TGS1: variants seen among roughly 807,000 people sequenced by gnomAD.
TGS1 encodes trimethylguanosine synthase 1.
In TGS1, 69 loss-of-function variants were observed where a neutral mutation model predicts 92.2. That is an observed-to-expected ratio of 0.75 (90% CI 0.62 to 0.91). The LOEUF (loss-of-function observed/expected upper bound fraction) is 0.91, where lower values mean the gene tolerates loss of function less well. Ranked by LOEUF, TGS1 falls within the 40% of genes least tolerant of loss-of-function variation. TGS1 has a pLI of 0.00. For missense variants in TGS1, 1,062 were observed against 1,001.2 expected (o/e 1.06, Z -0.82); for synonymous variants, 345 against 338.1 (o/e 1.02, Z -0.22).
intron 1 of TGS1, among the ~76,000 whole-genome samples, chr8:55,776,334 G>A (rs976489804): frequency 6.8e-6 from 1 of 146,942 alleles, no homozygotes; most frequent in African/African-American, 2.5e-5. Flanking sequence ...AGGCCAGAGT[G>A]CAGTGGCGAG....
chr8:55,810,300 TC>T (rs1228128506), intron 10 of TGS1, among the ~76,000 whole-genome samples: 1 of 152,242 alleles, frequency 6.6e-6, no homozygotes, highest in Non-Finnish European at 1.5e-5. Flanking sequence ...TAAATGAAAG[TC>T]CATTTGGTGA....
At chr8:55,796,723 G>A (rs543744461) in intron 7 of TGS1, among the ~76,000 whole-genome samples, 11 of 152,032 alleles carry the variant, frequency 7.2e-5, no homozygotes, top group Non-Finnish European at 1.6e-4. Context: ...GGGCATGGTG[G>A]CTTACACCTG....
intron 3 of TGS1, 55 bp from the exon 4 acceptor site, chr8:55,786,183 T>G: frequency 1.0e-6 from 1 of 988,164 alleles, no homozygotes; most frequent in South Asian, 1.9e-5. Flanking sequence ...TGGATTCTAC[T>G]TTCTTTTATA....
intron 12 of TGS1, among the ~76,000 whole-genome samples, chr8:55,822,303 C>T (rs867634872): frequency 2.0e-5 from 3 of 152,060 alleles, no homozygotes; most frequent in African/African-American, 7.2e-5. Flanking sequence ...ATCTCCTGAC[C>T]TCGTGATCCA....
At chr8:55,775,498 G>A (rs2130089830) in intron 1 of TGS1, among the ~76,000 whole-genome samples, 1 of 152,098 alleles carries the variant, frequency 6.6e-6, no homozygotes, top group Admixed American at 6.5e-5. Flanking sequence ...AGGATAAATG[G>A]CAGCAGAAAT....
chr8:55,803,124 T>TGGG (rs3085191), intron 9 of TGS1, among the ~76,000 whole-genome samples: 1 of 148,502 alleles, frequency 6.7e-6, no homozygotes, highest in African/African-American at 2.5e-5. Context: ...CCCTTCAATT[T>TGGG]GGGGGGGTGT....
chr8:55,807,918 A>C (rs966830503), intron 10 of TGS1, among the ~76,000 whole-genome samples: 7 of 152,194 alleles, frequency 4.6e-5, no homozygotes, highest in African/African-American at 1.7e-4. Context: ...GTTTCATTTC[A>C]ACAGATTTCT....
chr8:55,801,907 A>C (rs1812225977), intron 8 of TGS1, among the ~76,000 whole-genome samples: 2 of 151,444 alleles, frequency 1.3e-5, no homozygotes. Flanking sequence ...TAATAATTGG[A>C]GTTTAGGCCA....
chr8:55,802,881 CAACTT>C (rs1186588677), intron 9 of TGS1, among the ~76,000 whole-genome samples: 3 of 152,074 alleles, frequency 2.0e-5, no homozygotes, highest in Non-Finnish European at 2.9e-5. Context: ...AGTGAATTAT[CAACTT>C]AACATTGTTC....
intron 12 of TGS1, among the ~76,000 whole-genome samples, chr8:55,819,403 T>C (rs1803574365): frequency 6.7e-6 from 1 of 150,172 alleles, no homozygotes; most frequent in Non-Finnish European, 1.5e-5. Flanking sequence ...TTCAAGCAAT[T>C]CTCCTACCTC....
At chr8:55,775,892 A>T (rs1010811856) in intron 1 of TGS1, among the ~76,000 whole-genome samples, 21 of 152,198 alleles carry the variant, frequency 1.4e-4, no homozygotes. Context: ...GCCTAAGTAC[A>T]CTGTCACCAA....
At chr8:55,816,854 T>C (rs1358205228) in intron 12 of TGS1, among the ~76,000 whole-genome samples, 4 of 151,584 alleles carry the variant, frequency 2.6e-5, no homozygotes, top group African/African-American at 9.7e-5. Context: ...AATTCATCTC[T>C]ATTTTATTTA....
chr8:55,806,537 A>T (rs1365156741), intron 10 of TGS1, among the ~76,000 whole-genome samples: 1 of 152,176 alleles, frequency 6.6e-6, no homozygotes, highest in African/African-American at 2.4e-5. Flanking sequence ...TTAACTGTTT[A>T]CATTATAGGT....
intron 12 of TGS1, among the ~76,000 whole-genome samples, chr8:55,816,556 G>A (rs556053791): frequency 1.3e-5 from 2 of 152,216 alleles, no homozygotes; most frequent in Non-Finnish European, 2.9e-5. Flanking sequence ...GATAAGTTAA[G>A]TTACTTATCT....
intron 10 of TGS1, among the ~76,000 whole-genome samples, chr8:55,807,506 GTTT>G (rs199884741): frequency 7.2e-6 from 1 of 138,676 alleles, no homozygotes; most frequent in African/African-American, 2.6e-5. Flanking sequence ...TAAAGCAGGG[GTTT>G]TTTTTTTTTT....
At chr8:55,774,975 C>A (rs560071919) in intron 1 of TGS1, among the ~76,000 whole-genome samples, 6 of 152,246 alleles carry the variant, frequency 3.9e-5, no homozygotes, top group African/African-American at 1.4e-4. Context: ...GGAGGGAGGG[C>A]ACGGTGGTGC....
chr8:55,779,258 T>C (rs921239653), intron 1 of TGS1, among the ~76,000 whole-genome samples: 1 of 152,222 alleles, frequency 6.6e-6, no homozygotes, highest in Non-Finnish European at 1.5e-5. Flanking sequence ...ATGAATGCTC[T>C]TGGAGATACT....
Position 55,782,737 on chromosome 8 carries a change from C to G in TGS1, c.102-11C>G. ...TTCATTTCAATATGAACTGCTTAAT[C>G]TGCTTCGCAGGGATCGAAAATTGTA... On this transcript the variant is annotated splice_polypyrimidine_tract_variant and intron_variant, in intron 1 of 12. Transcript: ENST00000260129. 2.5e-6 allele frequency: 4 copies of G among 1,593,034 alleles called. No homozygotes were observed. Among genetic ancestry groups the G allele is most frequent in the Non-Finnish European group, 3.4e-6 (4 of 1,172,926 alleles).
chr8:55,820,051 T>G (rs1256697166), intron 12 of TGS1, among the ~76,000 whole-genome samples: 2 of 152,238 alleles, frequency 1.3e-5, no homozygotes, highest in Non-Finnish European at 2.9e-5. Context: ...CTAACCACAT[T>G]TCTGCGTATC....
Sources: gnomAD v4.1 joint callset for allele counts (sites outside exome capture counted in the v4.1 genomes callset) on GRCh38, gnomAD v4.1.1 for gene constraint, MANE v1.5 for transcripts, NCBI Gene and HGNC (gene_info 2026-07-23, HGNC 2026-07-21) for gene names.